The following COL3A1 variants were observed in gnomAD, a reference collection of about 807,000 sequenced individuals.
The protein encoded by COL3A1 is collagen alpha-1(III) chain.
In COL3A1, 46 loss-of-function variants were observed where a neutral mutation model predicts 200.9. The observed-to-expected ratio is 0.23, with a 90% CI of 0.18 to 0.29. The LOEUF is 0.29. COL3A1 is among the 10% of genes least tolerant of loss of function. The pLI, the probability that COL3A1 is intolerant of heterozygous loss-of-function variation, is 1.00. For synonymous variants in COL3A1, 650 were observed against 628.0 expected, an observed-to-expected ratio of 1.03 and a Z score of -0.52; for missense variants, 1,367 against 1,917.6, an observed-to-expected ratio of 0.71 and a Z score of 5.36.
chr2:188,983,149 T>A (rs1488401697), intron 1 of COL3A1, among the ~76,000 whole-genome samples: 1 of 151,912 alleles, frequency 6.6e-6, no homozygotes, highest in African/African-American at 2.4e-5. Context: ...AGAAAATATA[T>A]CCCATGTTCT....
rs187780436 is a variant in COL3A1 at position 189,007,747 on chromosome 2, A to C, written c.3364-138A>C. The C allele has an allele frequency of 4.0e-6, 5 of 1,244,096 alleles. No individual in the cohort carries two copies. The Admixed American group carries it at 9.3e-5, about 23-fold the overall frequency. 77.1% of individuals were successfully genotyped at this position (1,244,096 alleles called of 1,614,324 possible). On this transcript the variant is annotated intron_variant, in intron 45 of 50. Transcript: ENST00000304636. Reference sequence around the variant, plus strand: ...TGAAGGCTAATTTGAAACAACAATCAGCATGACACAATGGGAAGATTAAAG... The same window carrying C: ...TGAAGGCTAATTTGAAACAACAATCCGCATGACACAATGGGAAGATTAAAG...
At chr2:188,996,063 G>T in intron 22 of COL3A1, 62 bp from the exon 23 acceptor site, 3 of 1,436,898 alleles carry the variant, frequency 2.1e-6, no homozygotes, top group Non-Finnish European at 2.9e-6. Flanking sequence ...TACAAATAGT[G>T]TATGTAGTAA....
intron 48 of COL3A1, 126 bp downstream of exon 48, chr2:189,009,347 T>G (rs1490302797): frequency 8.5e-7 from 1 of 1,177,834 alleles, no homozygotes; most frequent in Non-Finnish European, 1.2e-6. Context: ...GAAAGTTAAC[T>G]GAATTGAAAC....
At chr2:188,985,411 G>T (rs993612150) in intron 3 of COL3A1, among the ~76,000 whole-genome samples, 164 bp downstream of exon 3, 2 of 151,926 alleles carry the variant, frequency 1.3e-5, no homozygotes, top group African/African-American at 4.8e-5. Flanking sequence ...TACGTGTAAA[G>T]ATTTCAATTT....
intron 50 of COL3A1, 76 bp downstream of exon 50, chr2:189,010,966 G>C: frequency 1.9e-6 from 3 of 1,557,676 alleles, no homozygotes; most frequent in Non-Finnish European, 2.6e-6. Flanking sequence ...ATTTTGAATA[G>C]AATAAATAAA....
At chr2:188,991,784 G>A in intron 13 of COL3A1, 62 bp downstream of exon 13, 2 of 1,549,502 alleles carry the variant, frequency 1.3e-6, no homozygotes, top group South Asian at 1.1e-5. Context: ...TACAGCCTCA[G>A]TAAAGTTTCA....
chr2:189,001,287 A>T, intron 32 of COL3A1, 110 bp from the exon 33 acceptor site: 1 of 1,074,970 alleles, frequency 9.3e-7, no homozygotes, highest in Non-Finnish European at 1.4e-6. Flanking sequence ...ATTTTTAAAA[A>T]GTATGTTATC....
rs1262016989 is a variant in COL3A1, at chr2:189,006,450, A to T, written c.3199A>T (p.Ser1067Cys). Residue 1067 changes from serine to cysteine, a missense_variant and splice_region_variant, in exon 43 of 51, where the codon AGT becomes TGT. Around this residue, in one of 5 missense-constraint regions of COL3A1, gnomAD observed 846 missense variants for 1,147.9 expected, o/e 0.74. Coordinates refer to ENST00000304636, the MANE Select transcript of COL3A1 (RefSeq NM_000090.4). ...TGGAAAGAGTGGTGACAGAGGAGAA[A>T]GTGTGAGTTCCCAAAAGCAGCATCT... ...PAGKSGDRGESGPAGPAGAPG... is the reference protein window; with the variant it reads ...PAGKSGDRGECGPAGPAGAPG... 6 of 1,613,864 alleles carry T rather than the reference A, an allele frequency of 3.7e-6. No homozygotes were observed. The Middle Eastern group carries it at 4.9e-4, about 133-fold the overall frequency.
intron 40 of COL3A1, 95 bp from the exon 41 acceptor site, chr2:189,005,255 A>C (rs1479023706): frequency 1.7e-6 from 2 of 1,143,468 alleles, no homozygotes; most frequent in Admixed American, 3.6e-5. Context: ...ATTAAATAAA[A>C]TAAGTTTTTT....
At chr2:188,976,178 C>A (rs1687809301) in intron 1 of COL3A1, among the ~76,000 whole-genome samples, 2 of 152,050 alleles carry the variant, frequency 1.3e-5, no homozygotes, top group African/African-American at 4.8e-5. Context: ...GAAAAGACTA[C>A]AAACTTAGGG....
chr2:188,983,114 T>C (rs1379597604), intron 1 of COL3A1, among the ~76,000 whole-genome samples: 1 of 151,938 alleles, frequency 6.6e-6, no homozygotes, highest in Non-Finnish European at 1.5e-5. Context: ...AGAAATGCTG[T>C]TTTAAAAGCT....
intron 7 of COL3A1, 77 bp from the exon 8 acceptor site, chr2:188,989,319 A>C (rs1688127827): frequency 2.9e-6 from 3 of 1,050,272 alleles, no homozygotes; most frequent in Admixed American, 2.3e-5. Context: ...TCCTTCCAGG[A>C]ATACATACAC....
intron 50 of COL3A1, among the ~76,000 whole-genome samples, chr2:189,011,147 A>G (rs538683653): frequency 6.6e-6 from 1 of 152,354 alleles, no homozygotes; most frequent in Non-Finnish European, 1.5e-5. Context: ...TTATCAGATA[A>G]TTGGGATAGT....
rs1688732226 is a variant in COL3A1 at position 189,011,736 on chromosome 2, G to T, written c.4363G>T (p.Glu1455Ter). ...CTATGACATTGGTGGTCCTGATCAA[G>T]AATTTGGTGTGGACGTTGGCCCTGT... ...APYDIGGPDQ[E>*]FGVDVGPVCF... The change falls in exon 51 of 51, where the codon GAA becomes TAA. Residue 1455 changes from glutamate (E) to a stop codon, truncating the protein, a stop_gained. Coordinates refer to ENST00000304636, the MANE Select transcript of COL3A1 (RefSeq NM_000090.4). LOFTEE classifies it high-confidence loss of function. 6.2e-7 allele frequency: 1 copy of T among 1,613,872 alleles called. No individual in the cohort carries two copies. The highest frequency in any genetic ancestry group is 1.3e-5 in the African/African-American group (1 of 74,900).
chr2:188,995,583 A>G, intron 21 of COL3A1, 109 bp from the exon 22 acceptor site: 1 of 735,764 alleles, frequency 1.4e-6, no homozygotes, highest in South Asian at 1.7e-5. Flanking sequence ...CAACACACGA[A>G]CCCTTTTTAA....
chr2:188,997,074 C>T lies in COL3A1; in HGVS notation c.1762-91C>T, dbSNP rs1439247886. 36 of 835,286 alleles carry T rather than the reference C, an allele frequency of 4.3e-5. 1 individual carries two copies. The highest frequency in any genetic ancestry group is 7.1e-5 in the Non-Finnish European group (35 of 489,702). 51.7% of individuals were successfully genotyped at this position (835,286 alleles called of 1,614,324 possible). ...ATATATGAGACATATATATATGAGA[C>T]ATATATATATGAGACATATATATAT... On this transcript the variant is annotated intron_variant, in intron 24 of 50. Transcript: ENST00000304636.
chr2:188,999,658 C>T (rs1031762153), intron 31 of COL3A1, 81 bp downstream of exon 31: 28 of 1,458,736 alleles, frequency 1.9e-5, no homozygotes, highest in Non-Finnish European at 2.0e-5. Flanking sequence ...GGAAAGTAAT[C>T]GACTGTATTT....
intron 4 of COL3A1, 70 bp downstream of exon 4, chr2:188,985,848 T>C (rs573197960): frequency 6.0e-6 from 6 of 1,007,536 alleles, no homozygotes; most frequent in Non-Finnish European, 9.4e-6. Context: ...CTTTACTCGA[T>C]ATTACGTCTC....
chr2:188,992,736 A>C, intron 14 of COL3A1, 151 bp from the exon 15 acceptor site: 1 of 713,876 alleles, frequency 1.4e-6, no homozygotes, highest in Non-Finnish European at 2.4e-6. Context: ...ATTTTACCAC[A>C]TTGTTTCTCT....
Sources: allele counts gnomAD v4.1 joint callset (sites outside exome capture counted in the v4.1 genomes callset), GRCh38; gene constraint gnomAD v4.1.1; regional missense constraint gnomAD v4.1.1; transcripts MANE v1.5; gene names NCBI Gene and HGNC (gene_info 2026-07-23, HGNC 2026-07-21).